Variants in CAMTA1 observed in about 807,000 individuals in gnomAD.
The protein encoded by CAMTA1 is calmodulin binding transcription activator 1.
A neutral mutation model predicts 170.9 loss-of-function variants in CAMTA1; 27 were observed. The ratio of observed to expected loss-of-function variants is 0.16; its 90% CI spans 0.12 to 0.22. The LOEUF is 0.22. Ranked by LOEUF, CAMTA1 falls within the 10% of genes least tolerant of loss-of-function variation. CAMTA1 has a pLI of 1.00. For synonymous variants in CAMTA1, 833 were observed against 891.5 expected, an observed-to-expected ratio of 0.93 and a Z score of 1.17; for missense variants, 1,619 against 2,217.2, an observed-to-expected ratio of 0.73 and a Z score of 5.42.
chr1:7,474,416 T>C (rs200935942), intron 6 of CAMTA1, among the ~76,000 whole-genome samples: 24 of 147,492 alleles, frequency 1.6e-4, no homozygotes, highest in African/African-American at 5.9e-4. Flanking sequence ...ACAGAGGCTG[T>C]TGGAGGAGTG....
chr1:7,737,624 T>G, intron 15 of CAMTA1, 54 bp downstream of exon 15: 1 of 1,485,594 alleles, frequency 6.7e-7, no homozygotes, highest in Middle Eastern at 1.8e-4. Flanking sequence ...CCGTTTGCTT[T>G]CATGCAGCTG....
chr1:7,655,473 CTA>C lies in CAMTA1; in HGVS notation c.665-6250_665-6249del, dbSNP rs1558065902. 4.0e-4 allele frequency among the ~76,000 whole-genome samples: 36 copies of C among 90,178 alleles called. 1 individual carries two copies. The Middle Eastern group carries it at 0.029, about 73-fold the overall frequency. 59.2% of individuals were successfully genotyped at this position (90,178 alleles called of 152,430 possible). ...CATACCTATACACAAACACACCCAC[CTA>C]TACAAACACACACCTATACAACACA... On this transcript the variant is annotated intron_variant, in intron 7 of 22. Coordinates refer to ENST00000303635, the MANE Select transcript of CAMTA1 (RefSeq NM_015215.4).
Position 6,869,327 on chromosome 1 carries a change from A to G in CAMTA1, c.234+44117A>G, listed in dbSNP as rs1571183594. Among the ~76,000 whole-genome samples the G allele has an allele frequency of 3.9e-5, 6 of 152,348 alleles. No individual in the cohort carries two copies. In the South Asian group the frequency reaches 1.0e-3, roughly 26 times the overall value. On this transcript the variant is annotated intron_variant, in intron 3 of 22. Transcript: ENST00000303635. ...TAGGCCAGCCCTTGATGGGGAGAGA[A>G]GCTACTCAGGCCCAATAACCTCAAA... is the stretch of plus-strand genomic sequence containing the variant.
chr1:6,899,544 ACG>A (rs963107725), intron 3 of CAMTA1, among the ~76,000 whole-genome samples: 1,140 of 102,688 alleles, frequency 0.011, 8 homozygotes, highest in Admixed American at 0.015. Context: ...TATAACGCGC[ACG>A]CGCGCGCGCA....
chr1:7,436,516 G>A (rs982650711), intron 5 of CAMTA1, among the ~76,000 whole-genome samples: 6 of 152,102 alleles, frequency 3.9e-5, no homozygotes, highest in Non-Finnish European at 7.4e-5. Context: ...CCTCTGGGCC[G>A]CCCTCTGCCT....
At chr1:6,950,783 A>C (rs1688352637) in intron 3 of CAMTA1, among the ~76,000 whole-genome samples, 2 of 150,710 alleles carry the variant, frequency 1.3e-5, no homozygotes, top group Non-Finnish European at 2.9e-5. Flanking sequence ...CAAAGCAGGG[A>C]GAACAGGTCA....
intron 4 of CAMTA1, among the ~76,000 whole-genome samples, chr1:7,125,126 C>T (rs543188761): frequency 1.1e-4 from 16 of 151,842 alleles, no homozygotes; most frequent in African/African-American, 3.9e-4. Context: ...GAAGCAACGC[C>T]TCTGCATCTA....
Position 7,401,912 on chromosome 1 carries a change from G to A in CAMTA1, c.439-65918G>A, listed in dbSNP as rs1213884653. On this transcript the variant is annotated intron_variant, in intron 5 of 22. Transcript: ENST00000303635. ...GGCTGTTTCCTTAGCAGCAGGAGCA[G>A]CCCTGGGAACTAGGTTACTATGTTA... 2.0e-5 allele frequency among the ~76,000 whole-genome samples: 3 copies of A among 152,130 alleles called. No homozygotes were observed. In the East Asian group the frequency reaches 5.8e-4, roughly 29 times the overall value.
chr1:7,708,862 A>G (rs1297273628), intron 11 of CAMTA1, among the ~76,000 whole-genome samples: 2 of 152,232 alleles, frequency 1.3e-5, no homozygotes, highest in African/African-American at 4.8e-5. Context: ...GTAATGTGGA[A>G]GGTGATGATA....
intron 22 of CAMTA1, 39 bp downstream of exon 22, chr1:7,755,707 C>A (rs771710990): frequency 6.2e-7 from 1 of 1,600,634 alleles, no homozygotes; most frequent in Admixed American, 1.7e-5. Flanking sequence ...CTCTTCTCTT[C>A]CATTTTCAGT....
At chr1:7,493,530 TAAGA>T (rs1000315989) in intron 6 of CAMTA1, among the ~76,000 whole-genome samples, 4 of 151,918 alleles carry the variant, frequency 2.6e-5, no homozygotes, top group Non-Finnish European at 5.9e-5. Context: ...GGGGCACACA[TAAGA>T]AAGTGCCAAG....
intron 4 of CAMTA1, among the ~76,000 whole-genome samples, chr1:7,239,351 C>G (rs956695134): frequency 2.0e-5 from 3 of 152,170 alleles, no homozygotes; most frequent in Admixed American, 6.5e-5. Context: ...AGACAGTATC[C>G]AAGTAAGGTC....
chr1:7,384,699 A>G (rs976344952), intron 5 of CAMTA1, among the ~76,000 whole-genome samples: 2 of 152,212 alleles, frequency 1.3e-5, no homozygotes, highest in Non-Finnish European at 2.9e-5. Context: ...GTGCTAAATC[A>G]CAGACCATAA....
At chr1:7,744,166 C>G (rs1487412764) in intron 16 of CAMTA1, among the ~76,000 whole-genome samples, 1 of 127,056 alleles carries the variant, frequency 7.9e-6, no homozygotes, top group Non-Finnish European at 1.6e-5. Flanking sequence ...GAGTCTCGCG[C>G]TGTCGCCCAG....
intron 4 of CAMTA1, among the ~76,000 whole-genome samples, chr1:7,133,086 G>T (rs1347811628): frequency 1.3e-5 from 2 of 152,068 alleles, no homozygotes; most frequent in Non-Finnish European, 2.9e-5. Flanking sequence ...TTATATCGGG[G>T]TAATGCTAGA....
chr1:7,725,503 C>G (rs1296827819), intron 11 of CAMTA1, among the ~76,000 whole-genome samples: 1 of 152,238 alleles, frequency 6.6e-6, no homozygotes, highest in Non-Finnish European at 1.5e-5. Flanking sequence ...CTGCGGATGG[C>G]TCTGGCATGG....
chr1:7,656,855 T>G (rs2095908086), intron 7 of CAMTA1, among the ~76,000 whole-genome samples: 1 of 152,264 alleles, frequency 6.6e-6, no homozygotes, highest in Non-Finnish European at 1.5e-5. Flanking sequence ...TTATTCATAT[T>G]AGTGGAAGCG....
At chr1:7,638,441 G>A (rs2095732696) in intron 6 of CAMTA1, among the ~76,000 whole-genome samples, 1 of 152,216 alleles carries the variant, frequency 6.6e-6, no homozygotes, top group African/African-American at 2.4e-5. Flanking sequence ...GGGAGTTCGA[G>A]ACCAGCCTGA....
chr1:7,628,449 A>G (rs1277059901), intron 6 of CAMTA1, among the ~76,000 whole-genome samples: 1 of 152,230 alleles, frequency 6.6e-6, no homozygotes, highest in Non-Finnish European at 1.5e-5. Flanking sequence ...GGAAACTCTT[A>G]TCAAAAGAGC....
Sources: allele counts gnomAD v4.1 joint callset (sites outside exome capture counted in the v4.1 genomes callset), GRCh38; gene constraint gnomAD v4.1.1; transcripts MANE v1.5; gene names NCBI Gene and HGNC (gene_info 2026-07-23, HGNC 2026-07-21).